The following WNT16 variants were observed in gnomAD, a reference collection of about 807,000 sequenced individuals.
WNT16 encodes Wnt family member 16.
WNT16 carries 20 observed loss-of-function variants against 35.4 expected under a neutral mutation model. The observed-to-expected ratio is 0.56, with a 90% CI of 0.40 to 0.82. The LOEUF is 0.82. WNT16 is among the 40% of genes least tolerant of loss of function. The pLI is 0.00. For missense variants in WNT16, 461 were observed against 466.0 expected (o/e 0.99, Z 0.10); for synonymous variants, 180 against 179.2 (o/e 1.00, Z -0.03).
At chr7:121,328,037 G>A (rs1480708071), upstream of WNT16, among the ~76,000 whole-genome samples, 1 of 152,210 alleles carries the variant, frequency 6.6e-6, no homozygotes, top group East Asian at 1.9e-4. Flanking sequence ...GTTGTGGGAA[G>A]AGAGCTTGTC....
intron 2 of WNT16, among the ~76,000 whole-genome samples, chr7:121,330,870 T>C (rs1793335299): frequency 6.6e-6 from 1 of 151,368 alleles, no homozygotes; most frequent in African/African-American, 2.4e-5. Flanking sequence ...AAAAAAAAAG[T>C]CGCCTGCTGA....
chr7:121,325,428 A>G (rs1793229498), upstream of WNT16: 1 of 1,613,494 alleles, frequency 6.2e-7, no homozygotes, highest in East Asian at 2.2e-5. Context: ...GCAGCTCACC[A>G]CTTGCCTCAG....
intron 3 of WNT16, among the ~76,000 whole-genome samples, chr7:121,335,898 C>T (rs1471339122): frequency 6.6e-6 from 1 of 151,598 alleles, no homozygotes; most frequent in African/African-American, 2.4e-5. Flanking sequence ...TTATGTGCAA[C>T]AAATATCTTC....
upstream of WNT16, among the ~76,000 whole-genome samples, chr7:121,327,073 T>C (rs1793257116): frequency 6.6e-6 from 1 of 152,230 alleles, no homozygotes; most frequent in Admixed American, 6.5e-5. Context: ...ATTGTCCCTC[T>C]TGGAGAAGCT....
At chr7:121,338,625 G>A (rs1321835938) in intron 3 of WNT16, among the ~76,000 whole-genome samples, 1 of 152,170 alleles carries the variant, frequency 6.6e-6, no homozygotes, top group East Asian at 1.9e-4. Flanking sequence ...ATATTAGTCT[G>A]GTCCACTACT....
At chr7:121,330,897 G>A (rs548472352) in intron 2 of WNT16, among the ~76,000 whole-genome samples, 1 of 151,088 alleles carries the variant, frequency 6.6e-6, no homozygotes, top group Admixed American at 6.6e-5. Flanking sequence ...TCTAGTCCAT[G>A]TTATTAATGT....
chr7:121,329,839 G>T (rs545260312), intron 2 of WNT16, 22 bp downstream of exon 2: 3 of 1,593,506 alleles, frequency 1.9e-6, no homozygotes, highest in Admixed American at 3.4e-5. Context: ...GTCCTTAGGG[G>T]TTGGTGGGGG....
upstream of WNT16, among the ~76,000 whole-genome samples, chr7:121,326,498 C>T (rs929746756): frequency 1.3e-5 from 2 of 152,180 alleles, no homozygotes; most frequent in African/African-American, 4.8e-5. Flanking sequence ...ACAGAATACC[C>T]TCTGAGTGCA....
rs750499989 is a variant in WNT16 at position 121,329,285 on chromosome 7, C to A, written c.-8C>A. On this transcript the variant is annotated 5_prime_UTR_variant, in exon 1 of 4. Transcript: ENST00000222462. Reference sequence around the variant, plus strand: ...AGCGGCTGGGCTGGGGGACTCCATGCGGGGGCGATGGACAGGGCGGCGCTC... The same window carrying A: ...AGCGGCTGGGCTGGGGGACTCCATGAGGGGGCGATGGACAGGGCGGCGCTC... 2 of 1,555,488 alleles carry A rather than the reference C, an allele frequency of 1.3e-6. No homozygotes were observed. The highest frequency in any genetic ancestry group is 1.7e-6 in the Non-Finnish European group (2 of 1,150,456).
chr7:121,333,146 A>G (rs1044735408), intron 3 of WNT16, among the ~76,000 whole-genome samples: 3 of 152,094 alleles, frequency 2.0e-5, no homozygotes, highest in Non-Finnish European at 2.9e-5. Context: ...CAAAGTAATC[A>G]TTGCAATCTG....
chr7:121,327,400 G>C (rs1036338573), upstream of WNT16, among the ~76,000 whole-genome samples: 2 of 147,584 alleles, frequency 1.4e-5, no homozygotes, highest in African/African-American at 5.0e-5. Context: ...CCATAGGCTG[G>C]AGTGCAGTGG....
upstream of WNT16, chr7:121,328,997 A>T (rs995990053): frequency 6.9e-5 from 80 of 1,157,356 alleles, no homozygotes; most frequent in Middle Eastern, 3.5e-4. Flanking sequence ...ACGCGGATAC[A>T]TCAACAGAAG....
At chr7:121,330,115 C>G (rs1385661549) in intron 2 of WNT16, among the ~76,000 whole-genome samples, 1 of 152,242 alleles carries the variant, frequency 6.6e-6, no homozygotes, top group Non-Finnish European at 1.5e-5. Context: ...CCCGCCGACC[C>G]CCTCGGACCC....
At chr7:121,325,650 C>CATAT (rs764283488), upstream of WNT16, among the ~76,000 whole-genome samples, 2 of 148,338 alleles carry the variant, frequency 1.3e-5, no homozygotes, top group Non-Finnish European at 3.0e-5. Flanking sequence ...AAAAATTTTA[C>CATAT]ATATATATAT....
intron 3 of WNT16, 44 bp downstream of exon 3, chr7:121,332,008 G>C: frequency 6.3e-7 from 1 of 1,596,250 alleles, no homozygotes. Context: ...GTGCTGTTAG[G>C]TAAATAACTA....
Position 121,331,801 on chromosome 7 carries a change from G to T in WNT16, c.470G>T (p.Gly157Val). 6.2e-7 allele frequency: 1 copy of T among 1,614,222 alleles called. No homozygotes were observed. Among genetic ancestry groups the T allele is most frequent in the Non-Finnish European group, 8.5e-7 (1 of 1,180,042 alleles). The change falls in exon 3 of 4, where the codon GGC becomes GTC. Residue 157 changes from glycine to valine, a missense_variant. Gly to Val is a moderately radical substitution (Grantham distance 109). Coordinates refer to ENST00000222462, the MANE Select transcript of WNT16 (RefSeq NM_057168.2). ...CSCDTTLQNG[G>V]SASEGWHWGG... ...TGTGACACCACCTTGCAGAACGGCG[G>T]CTCAGCAAGTGAAGGCTGGCACTGG...
chr7:121,332,255 TAC>T (rs2116836278), intron 3 of WNT16, among the ~76,000 whole-genome samples: 2 of 152,344 alleles, frequency 1.3e-5, no homozygotes, highest in East Asian at 1.9e-4. Context: ...TGTGTGTGTA[TAC>T]ACATTTGCAC....
chr7:121,334,228 A>ATT (rs1171163972), intron 3 of WNT16, among the ~76,000 whole-genome samples: 1 of 151,958 alleles, frequency 6.6e-6, no homozygotes, highest in African/African-American at 2.4e-5. Flanking sequence ...CACATTGTTC[A>ATT]TTTTTGGTTC....
chr7:121,339,289 T>A lies in WNT16; in HGVS notation c.1042T>A (p.Cys348Ser). 6.2e-7 allele frequency: 1 copy of A among 1,614,112 alleles called. No individual in the cohort carries two copies. The part of the protein sequence containing the change: ...ERCECKFIWC[C>S]YVRCRRCESM... ...GTGTGAGTGTAAGTTCATCTGGTGC[T>A]GCTATGTCCGTTGCAGGAGGTGTGA... Residue 348 changes from cysteine to serine, a missense_variant, in exon 4 of 4, where the codon TGC (cysteine) becomes AGC (serine). Physicochemically the swap from Cys to Ser is moderately radical, Grantham distance 112. Transcript: ENST00000222462.
Sources: gnomAD v4.1 joint callset for allele counts (sites outside exome capture counted in the v4.1 genomes callset) on GRCh38, gnomAD v4.1.1 for gene constraint, MANE v1.5 for transcripts, NCBI Gene and HGNC (gene_info 2026-07-23, HGNC 2026-07-21) for gene names.